Variants in CDS1 observed in about 807,000 individuals in gnomAD.
CDS1 encodes the protein phosphatidate cytidylyltransferase 1.
CDS1 carries 41 observed loss-of-function variants against 62.1 expected under a neutral mutation model. The observed-to-expected ratio is 0.66, with a 90% CI of 0.51 to 0.86. CDS1 has a LOEUF of 0.86. Among genes scored for constraint, CDS1 ranks in the 40% least tolerant of loss-of-function variants. The pLI is 0.00. For synonymous variants in CDS1, 185 were observed against 192.6 expected, an observed-to-expected ratio of 0.96 and a Z score of 0.32; for missense variants, 470 against 550.1, an observed-to-expected ratio of 0.85 and a Z score of 1.46.
chr4:84,600,294 T>C (rs995546520), intron 1 of CDS1, among the ~76,000 whole-genome samples: 27 of 152,208 alleles, frequency 1.8e-4, no homozygotes, highest in African/African-American at 6.5e-4. Flanking sequence ...TTTGAAAATA[T>C]GTTTCGTTCT....
intron 1 of CDS1, among the ~76,000 whole-genome samples, chr4:84,588,117 T>G (rs1389540982): frequency 1.3e-5 from 2 of 152,190 alleles, no homozygotes; most frequent in Non-Finnish European, 2.9e-5. Flanking sequence ...TTCCTTCACT[T>G]GCTAGACCCT....
rs1207049404 is a variant in CDS1, at chr4:84,609,544, C to T, written c.342+19C>T. 1 of 1,315,208 alleles carries T rather than the reference C, an allele frequency of 7.6e-7. No individual in the cohort carries two copies. The highest frequency in any genetic ancestry group is 1.7e-5 in the Admixed American group (1 of 58,388). 81.5% of individuals were successfully genotyped at this position (1,315,208 alleles called of 1,614,324 possible). A position where few individuals can be genotyped will look rare whatever the true frequency, so the allele number is the denominator to read the frequency against. ...GCTTCTTGTAAGTTTTTGACTTTTC[C>T]CTGAGTGTCTCTTGCTTTGTTTTTC... On this transcript the variant is annotated intron_variant, in intron 3 of 12. Transcript: ENST00000295887.
intron 8 of CDS1, among the ~76,000 whole-genome samples, chr4:84,638,596 A>G (rs115334620): frequency 0.017 from 2,650 of 152,268 alleles, 37 homozygotes; most frequent in Non-Finnish European, 0.028. Flanking sequence ...TTATATTAGC[A>G]TAAGAGTCAT....
chr4:84,605,051 T>C (rs1723051729), intron 2 of CDS1, among the ~76,000 whole-genome samples: 2 of 152,214 alleles, frequency 1.3e-5, no homozygotes, highest in African/African-American at 4.8e-5. Flanking sequence ...TACCCTTCAT[T>C]GTATACTTTA....
intron 8 of CDS1, among the ~76,000 whole-genome samples, chr4:84,635,768 T>G (rs1487801394): frequency 1.3e-5 from 2 of 148,704 alleles, no homozygotes; most frequent in Non-Finnish European, 3.0e-5. Context: ...TTTCCTTTTT[T>G]TTTTTGAAGA....
rs779175772 is a variant in CDS1 at position 84,612,988 on chromosome 4, C to CA, written c.342+3482dup. On this transcript the variant is annotated intron_variant, in intron 3 of 12. Transcript: ENST00000295887. ...TGGGTGACAGAGTGAGATCCTGTCT[C>CA]AAAAAAAAAAAAAAAAAAAGAATAT... Among the ~76,000 whole-genome samples, 470 of 60,296 alleles carry CA rather than the reference C, an allele frequency of 7.8e-3. 5 individuals carry two copies. Among genetic ancestry groups the CA allele is most frequent in the African/African-American group, 0.02 (316 of 15,876 alleles). 39.6% of individuals were successfully genotyped at this position (60,296 alleles called of 152,430 possible).
intron 1 of CDS1, among the ~76,000 whole-genome samples, chr4:84,600,005 G>A (rs2110042912): frequency 6.6e-6 from 1 of 152,292 alleles, no homozygotes; most frequent in Admixed American, 6.5e-5. Flanking sequence ...CACCGGCAGT[G>A]CGCAAGCCTT....
At chr4:84,613,173 A>T (rs1381004553) in intron 3 of CDS1, among the ~76,000 whole-genome samples, 7 of 152,054 alleles carry the variant, frequency 4.6e-5, no homozygotes, top group Admixed American at 4.6e-4. Flanking sequence ...AATTGATATT[A>T]CTTTATGTGT....
At chr4:84,589,967 C>A (rs1173661494) in intron 1 of CDS1, among the ~76,000 whole-genome samples, 1 of 152,188 alleles carries the variant, frequency 6.6e-6, no homozygotes, top group Non-Finnish European at 1.5e-5. Flanking sequence ...CCCGCCACCA[C>A]GCCTGGCTAA....
intron 3 of CDS1, among the ~76,000 whole-genome samples, chr4:84,610,045 T>C (rs1723269665): frequency 1.3e-5 from 2 of 151,764 alleles, no homozygotes; most frequent in African/African-American, 2.4e-5. Context: ...CACACACATA[T>C]AACATCAACA....
In CDS1 at chr4:84,613,006, A is replaced by AG. The variant is rs1396667563; in HGVS notation, c.342+3481_342+3482insG. ...CCTGTCTCAAAAAAAAAAAAAAAAA[A>AG]AGAATATTAAAGATCTAAGTAAAGT... On this transcript the variant is annotated intron_variant, in intron 3 of 12. Transcript: ENST00000295887. Among the ~76,000 whole-genome samples the AG allele has an allele frequency of 9.9e-4, 147 of 148,350 alleles. 1 individual carries two copies. The highest frequency in any genetic ancestry group is 3.4e-3 in the East Asian group (17 of 5,020).
At chr4:84,629,145 A>T (rs1174322723) in intron 5 of CDS1, among the ~76,000 whole-genome samples, 2 of 152,194 alleles carry the variant, frequency 1.3e-5, no homozygotes, top group African/African-American at 4.8e-5. Context: ...ACAAAAAGTG[A>T]CCGTTTCCAC....
rs1193800097 is a variant in CDS1 at position 84,651,090 on chromosome 4, T to G, written c.*2404T>G. The G allele has an allele frequency of 6.6e-6, 1 of 152,224 alleles. No homozygotes were observed. 9.4% of individuals were successfully genotyped at this position (152,224 alleles called of 1,614,324 possible). ...TTCTTCCTCAGCGCTTTTTCCTTGTTGTGGTGACGTACATTCACTATCTGA... is the reference window on the plus strand; with the variant it reads ...TTCTTCCTCAGCGCTTTTTCCTTGTGGTGGTGACGTACATTCACTATCTGA... On this transcript the variant is annotated 3_prime_UTR_variant, in exon 13 of 13. Coordinates refer to ENST00000295887, the MANE Select transcript of CDS1 (RefSeq NM_001263.4).
At chr4:84,630,598 T>C (rs1723989523) in intron 5 of CDS1, among the ~76,000 whole-genome samples, 1 of 152,160 alleles carries the variant, frequency 6.6e-6, no homozygotes, top group African/African-American at 2.4e-5. Context: ...TATACAGAAA[T>C]TGATCAACTG....
Position 84,645,316 on chromosome 4 carries a change from G to A in CDS1, c.1247G>A (p.Ser416Asn). Residue 416 changes from serine to asparagine, a missense_variant, in exon 12 of 13, where the codon AGT becomes AAT. Physicochemically the swap from Ser to Asn is conservative, Grantham distance 46. Around this residue, in one of 5 missense-constraint regions of CDS1, gnomAD observed 68 missense variants for 81.5 expected, o/e 0.83. Transcript: ENST00000295887. ...ACTTTTGTACATGTGTACATCACAA[G>A]TTTTATAAGGTACTTTTACACTTGA... ...MATFVHVYIT[S>N]FIRGPNPSKV... The A allele has an allele frequency of 6.3e-7, 1 of 1,575,102 alleles. No individual in the cohort carries two copies. The highest frequency in any genetic ancestry group is 8.7e-7 in the Non-Finnish European group (1 of 1,145,212).
intron 1 of CDS1, among the ~76,000 whole-genome samples, chr4:84,595,022 A>G (rs1391021956): frequency 1.3e-5 from 2 of 152,140 alleles, no homozygotes; most frequent in Non-Finnish European, 2.9e-5. Flanking sequence ...AAACCCTCAA[A>G]GCACATCATC....
intron 1 of CDS1, among the ~76,000 whole-genome samples, chr4:84,594,313 G>C (rs989484656): frequency 3.3e-5 from 5 of 152,146 alleles, no homozygotes; most frequent in Admixed American, 6.5e-5. Context: ...GCAAGTTCTG[G>C]GAGGGTAAGG....
chr4:84,601,907 C>T (rs765396015), intron 1 of CDS1, among the ~76,000 whole-genome samples: 2 of 150,988 alleles, frequency 1.3e-5, no homozygotes, highest in Non-Finnish European at 2.9e-5. Context: ...AGTGAGACTC[C>T]ATCTCAAATA....
At chr4:84,588,334 A>G (rs1037362648) in intron 1 of CDS1, among the ~76,000 whole-genome samples, 2 of 152,240 alleles carry the variant, frequency 1.3e-5, no homozygotes, top group African/African-American at 2.4e-5. Flanking sequence ...TCTTTCATAA[A>G]TACATTATTA....
Sources: gnomAD v4.1 joint callset for allele counts (sites outside exome capture counted in the v4.1 genomes callset) on GRCh38, gnomAD v4.1.1 for gene constraint, gnomAD v4.1.1 regional missense constraint, MANE v1.5 for transcripts, NCBI Gene and HGNC (gene_info 2026-07-23, HGNC 2026-07-21) for gene names.